TBCK: variants seen among roughly 807,000 people sequenced by gnomAD.
TBCK encodes TBC1 domain containing kinase.
TBCK carries 99 observed loss-of-function variants against 113.4 expected under a neutral mutation model. That is an observed-to-expected ratio of 0.87 (90% CI 0.74 to 1.03). The LOEUF is 1.03. Among genes scored for constraint, TBCK ranks in the 50% least tolerant of loss-of-function variants. The probability of loss-of-function intolerance (pLI) is 0.00; values close to 1 mark genes in which losing one functional copy is unlikely to be tolerated. For synonymous variants in TBCK, 369 were observed against 370.8 expected, an observed-to-expected ratio of 1.00 and a Z score of 0.05; for missense variants, 1,045 against 1,061.3, an observed-to-expected ratio of 0.98 and a Z score of 0.21.
intron 20 of TBCK, among the ~76,000 whole-genome samples, chr4:106,196,542 TTATAAG>T (rs1754260409): frequency 6.6e-6 from 1 of 151,962 alleles, no homozygotes; most frequent in Non-Finnish European, 1.5e-5. Context: ...GTCAAGAACT[TTATAAG>T]TATATTAAAA....
intron 3 of TBCK, among the ~76,000 whole-genome samples, chr4:106,276,458 T>G (rs1764035224): frequency 6.6e-6 from 1 of 152,224 alleles, no homozygotes; most frequent in Non-Finnish European, 1.5e-5. Flanking sequence ...ACACTTGTAG[T>G]CCCAGCTATT....
intron 25 of TBCK, among the ~76,000 whole-genome samples, chr4:106,057,510 T>C (rs955221633): frequency 2.0e-5 from 3 of 151,742 alleles, no homozygotes; most frequent in Non-Finnish European, 2.9e-5. Context: ...AGGTCCTCTA[T>C]CATAATCAGA....
At chr4:106,104,032 T>C (rs1741857622) in intron 24 of TBCK, among the ~76,000 whole-genome samples, 1 of 152,184 alleles carries the variant, frequency 6.6e-6, no homozygotes, top group Non-Finnish European at 1.5e-5. Context: ...ACCAGGGCCT[T>C]CAGTCTTCAG....
chr4:106,260,552 A>G (rs748809658), intron 4 of TBCK, 42 bp from the exon 5 acceptor site: 44 of 607,800 alleles, frequency 7.2e-5, no homozygotes, highest in Non-Finnish European at 1.1e-4. Flanking sequence ...ATAATTTATT[A>G]TAATTGGCAA....
At chr4:106,048,496 TCTTA>T (rs1171154510) in intron 25 of TBCK, among the ~76,000 whole-genome samples, 1 of 152,084 alleles carries the variant, frequency 6.6e-6, no homozygotes, top group Non-Finnish European at 1.5e-5. Context: ...TTCATCCTGT[TCTTA>T]CTTCTCTTTG....
At chr4:106,137,884 T>G (rs1746748742) in intron 23 of TBCK, among the ~76,000 whole-genome samples, 1 of 141,122 alleles carries the variant, frequency 7.1e-6, no homozygotes, top group Non-Finnish European at 1.6e-5. Context: ...GAGAGTAATT[T>G]TTTCTTTGCT....
intron 3 of TBCK, among the ~76,000 whole-genome samples, chr4:106,263,399 G>C (rs968845218): frequency 4.0e-5 from 6 of 151,832 alleles, no homozygotes; most frequent in Admixed American, 3.3e-4. Flanking sequence ...TGTCAGATTT[G>C]ATAAGAATTT....
chr4:106,107,259 C>T (rs1479488171), intron 24 of TBCK, among the ~76,000 whole-genome samples: 4 of 152,122 alleles, frequency 2.6e-5, no homozygotes, highest in Non-Finnish European at 4.4e-5. Context: ...ATATTCAGGA[C>T]CTAAACTCAG....
chr4:106,234,739 T>A (rs902544548), intron 15 of TBCK, among the ~76,000 whole-genome samples: 5 of 151,670 alleles, frequency 3.3e-5, no homozygotes, highest in African/African-American at 1.2e-4. Flanking sequence ...GTCATCGGAG[T>A]TCTCTGTTAG....
intron 25 of TBCK, among the ~76,000 whole-genome samples, chr4:106,077,237 T>C (rs544666124): frequency 5.9e-5 from 9 of 152,324 alleles, no homozygotes; most frequent in East Asian, 3.9e-4. Context: ...ACATACCCCA[T>C]TGACACTATA....
chr4:106,243,956 G>A (rs1760467151), intron 11 of TBCK, among the ~76,000 whole-genome samples: 1 of 152,066 alleles, frequency 6.6e-6, no homozygotes, highest in African/African-American at 2.4e-5. Context: ...AAAGTGCTGG[G>A]ATCACAGGCA....
intron 24 of TBCK, among the ~76,000 whole-genome samples, chr4:106,096,992 A>G (rs1240935626): frequency 6.6e-6 from 1 of 152,202 alleles, no homozygotes; most frequent in African/African-American, 2.4e-5. Flanking sequence ...ATACCTAGTA[A>G]CTATATCTAT....
At chr4:106,296,307 T>C (rs552824869) in intron 2 of TBCK, among the ~76,000 whole-genome samples, 90 of 152,192 alleles carry the variant, frequency 5.9e-4, no homozygotes, top group African/African-American at 2.1e-3. Context: ...GCAAAACAGA[T>C]TCTAAGTAAA....
chr4:106,152,288 C>G (rs1748588987), intron 23 of TBCK, among the ~76,000 whole-genome samples: 1 of 151,900 alleles, frequency 6.6e-6, no homozygotes, highest in Non-Finnish European at 1.5e-5. Context: ...GTTTTTTAAT[C>G]ATAAAAAGAT....
At chr4:106,251,172 A>C (rs878932845) in intron 6 of TBCK, 1 of 379,452 alleles carries the variant, frequency 2.6e-6, no homozygotes, top group South Asian at 2.1e-5. Context: ...ACTTAATACC[A>C]CCTGAAGTTT....
chr4:106,315,367 C>A (rs958593879), intron 1 of TBCK, among the ~76,000 whole-genome samples: 4 of 152,000 alleles, frequency 2.6e-5, no homozygotes, highest in South Asian at 2.1e-4. Context: ...CAAAAGACGC[C>A]GATTTTATCA....
intron 25 of TBCK, among the ~76,000 whole-genome samples, chr4:106,061,466 A>G (rs1420542670): frequency 2.7e-5 from 4 of 147,644 alleles, no homozygotes; most frequent in Non-Finnish European, 6.0e-5. Context: ...GCAATAAAGC[A>G]TTTTTTGATT....
intron 23 of TBCK, among the ~76,000 whole-genome samples, chr4:106,144,553 G>A (rs746754270): frequency 3.3e-5 from 5 of 152,144 alleles, no homozygotes; most frequent in Admixed American, 6.5e-5. Context: ...CACATGGTAG[G>A]TGTACAATAA....
At chr4:106,180,775 C>T (rs1385716240) in intron 22 of TBCK, among the ~76,000 whole-genome samples, 2 of 152,260 alleles carry the variant, frequency 1.3e-5, no homozygotes, top group African/African-American at 4.8e-5. Flanking sequence ...TTAATCCAGT[C>T]TATCATTGAT....
Sources: gnomAD v4.1 joint callset for allele counts (sites outside exome capture counted in the v4.1 genomes callset) on GRCh38, gnomAD v4.1.1 for gene constraint, MANE v1.5 for transcripts, NCBI Gene and HGNC (gene_info 2026-07-23, HGNC 2026-07-21) for gene names.